PCDHGA5: variants seen among roughly 807,000 people sequenced by gnomAD.
PCDHGA5 encodes protocadherin gamma-A5.
Under a neutral mutation model 56.7 loss-of-function variants are expected in PCDHGA5, and 36 were observed. That is an observed-to-expected ratio of 0.64 (90% CI 0.49 to 0.84). The LOEUF (loss-of-function observed/expected upper bound fraction) is 0.84, where lower values mean the gene tolerates loss of function less well. Ranked by LOEUF, PCDHGA5 falls within the 40% of genes least tolerant of loss-of-function variation. PCDHGA5 has a pLI of 0.00. For missense variants in PCDHGA5, 1,305 were observed against 1,201.5 expected (o/e 1.09, Z -1.27); for synonymous variants, 563 against 520.2 (o/e 1.08, Z -1.12).
Position 141,409,527 on chromosome 5 carries a change from T to A in PCDHGA5, c.2421+42776T>A. 1 of 1,613,970 alleles carries A rather than the reference T, an allele frequency of 6.2e-7. No homozygotes were observed. Among genetic ancestry groups the A allele is most frequent in the South Asian group, 1.1e-5 (1 of 91,084 alleles). ...TCCAGTAGAAGCATCACCTTGTATGTCGCTGACATCAACGACAACGCCCCA... is the reference window on the plus strand; with the variant it reads ...TCCAGTAGAAGCATCACCTTGTATGACGCTGACATCAACGACAACGCCCCA... On this transcript the variant is annotated intron_variant, in intron 1 of 3. Coordinates refer to ENST00000518069, the MANE Select transcript of PCDHGA5 (RefSeq NM_018918.3).
Position 141,364,661 on chromosome 5 carries a change from G to A in PCDHGA5, c.331G>A (p.Glu111Lys), listed in dbSNP as rs369366226. The change falls in exon 1 of 4, where the codon GAG (glutamate) becomes AAG (lysine). Residue 111 changes from glutamate to lysine, a missense_variant. Glu to Lys is a moderately conservative substitution (Grantham distance 56). Coordinates refer to ENST00000518069, the MANE Select transcript of PCDHGA5 (RefSeq NM_018918.3). ...TGTGGTGAACTTTAACATCTTGGTT[G>A]AGAACAAAATGAAAATTTATGGAGT... is the stretch of plus-strand genomic sequence containing the variant. The part of the protein sequence containing the change: ...LCVVNFNILV[E>K]NKMKIYGVEV... The A allele has an allele frequency of 7.9e-5, 127 of 1,614,028 alleles. No individual in the cohort carries two copies. The highest frequency in any genetic ancestry group is 1.0e-4 in the Non-Finnish European group (121 of 1,179,902).
chr5:141,404,290 T>C (rs2094507318), intron 1 of PCDHGA5: 1 of 1,613,984 alleles, frequency 6.2e-7, no homozygotes, highest in South Asian at 1.1e-5. Context: ...CTGACATCAA[T>C]GATAATCCAC....
chr5:141,388,426 T>C, intron 1 of PCDHGA5: 1 of 1,613,864 alleles, frequency 6.2e-7, no homozygotes, highest in Non-Finnish European at 8.5e-7. Context: ...TTCTCACTGA[T>C]AAATAAAGAG....
At position 141,485,671 on chromosome 5, in the gene PCDHGA5, G is replaced by T; in HGVS notation, c.2422-9136G>T. On this transcript the variant is annotated intron_variant, in intron 1 of 3. Coordinates refer to ENST00000518069, the MANE Select transcript of PCDHGA5 (RefSeq NM_018918.3). This position sits in a 1 kb window ranked among gnomAD's most constrained non-coding sequence, Gnocchi z 5.7. The stretch of plus-strand genomic sequence containing the variant: ...AGGATGCAGATGTGGGGAGCAATTC[G>T]ATTAGCAGCTATAGGCTGAGCTCCA... 6.2e-7 allele frequency: 1 copy of T among 1,612,860 alleles called. No homozygotes were observed. The highest frequency in any genetic ancestry group is 8.5e-7 in the Non-Finnish European group (1 of 1,179,040).
At chr5:141,506,252 C>T (rs1158047426) in intron 3 of PCDHGA5, among the ~76,000 whole-genome samples, 1 of 151,968 alleles carries the variant, frequency 6.6e-6, no homozygotes, top group African/African-American at 2.4e-5. Flanking sequence ...AGTTCGAAAC[C>T]GGCCTGGCCA....
chr5:141,429,377 G>T (rs1029180912), intron 1 of PCDHGA5, among the ~76,000 whole-genome samples: 1 of 149,434 alleles, frequency 6.7e-6, no homozygotes, highest in African/African-American at 2.5e-5. Context: ...GAGAAAATGT[G>T]TTTTTTTTTT....
At chr5:141,495,240 C>T (rs2099759761) in intron 2 of PCDHGA5, among the ~76,000 whole-genome samples, 1 of 152,182 alleles carries the variant, frequency 6.6e-6, no homozygotes, top group South Asian at 2.1e-4. Context: ...TCCATTATGA[C>T]CTGGGGCTCA....
chr5:141,421,073 G>A (rs2096544393), intron 1 of PCDHGA5: 4 of 613,858 alleles, frequency 6.5e-6, no homozygotes, highest in Non-Finnish European at 1.1e-5. Flanking sequence ...GGAATGAGAT[G>A]GATACTCACA....
intron 1 of PCDHGA5, among the ~76,000 whole-genome samples, chr5:141,438,702 C>A (rs1217378337): frequency 5.7e-5 from 8 of 140,876 alleles, no homozygotes; most frequent in Non-Finnish European, 4.6e-5. Flanking sequence ...GCTCTGTCAC[C>A]CAGGCTGGAG....
chr5:141,442,716 G>A (rs1367250926), intron 1 of PCDHGA5, among the ~76,000 whole-genome samples: 1 of 152,206 alleles, frequency 6.6e-6, no homozygotes, highest in East Asian at 1.9e-4. Context: ...ACATGCCAGA[G>A]CATTTGGGGC....
chr5:141,436,781 A>C (rs1041532929), intron 1 of PCDHGA5, among the ~76,000 whole-genome samples: 1 of 152,236 alleles, frequency 6.6e-6, no homozygotes, highest in Admixed American at 6.5e-5. Flanking sequence ...TGTGGATGGA[A>C]ATAAAACTGT....
chr5:141,427,435 T>G, intron 1 of PCDHGA5: 1 of 474,160 alleles, frequency 2.1e-6, no homozygotes, highest in Non-Finnish European at 4.2e-6. Context: ...ACATGCCTCA[T>G]AAACGAAAGA....
chr5:141,366,134 G>T lies in PCDHGA5; in HGVS notation c.1804G>T (p.Ala602Ser). 6.2e-6 allele frequency: 10 copies of T among 1,614,204 alleles called. No homozygotes were observed. Among genetic ancestry groups the T allele is most frequent in the Non-Finnish European group, 8.5e-6 (10 of 1,180,046 alleles). ...VAVDKDSGQN[A>S]WLSYRLLKAS... is the part of the protein sequence containing the mutation. ...GGTGGACAAAGATTCAGGCCAGAAC[G>T]CCTGGCTGTCCTACCGCCTGCTTAA... is the stretch of plus-strand genomic sequence containing the variant. The change falls in exon 1 of 4, where the codon GCC becomes TCC. Residue 602 changes from alanine to serine, a missense_variant. Ala to Ser is a moderately conservative substitution (Grantham distance 99). Coordinates refer to ENST00000518069, the MANE Select transcript of PCDHGA5 (RefSeq NM_018918.3).
At chr5:141,448,808 G>C (rs2098608218) in intron 1 of PCDHGA5, among the ~76,000 whole-genome samples, 2 of 152,080 alleles carry the variant, frequency 1.3e-5, no homozygotes, top group Admixed American at 1.3e-4. Flanking sequence ...AGCCAGGCGT[G>C]ATGGCGGGCG....
At chr5:141,401,016 A>G (rs910501602) in intron 1 of PCDHGA5, among the ~76,000 whole-genome samples, 2 of 152,182 alleles carry the variant, frequency 1.3e-5, no homozygotes, top group Admixed American at 6.5e-5. Context: ...TAATGGATTT[A>G]TGATTTTTTG....
Position 141,365,860 on chromosome 5 carries a change from C to T in PCDHGA5, c.1530C>T (p.Asp510=), listed in dbSNP as rs1422476891. The T allele has an allele frequency of 6.2e-7, 1 of 1,614,082 alleles. No homozygotes were observed. The highest frequency in any genetic ancestry group is 1.3e-5 in the African/African-American group (1 of 75,068). The change falls in exon 1 of 4, where the codon GAC becomes GAT. Residue 510 remains aspartate (D), a synonymous_variant. Coordinates refer to ENST00000518069, the MANE Select transcript of PCDHGA5 (RefSeq NM_018918.3). ...CCTCCTATGTATCCATTAACTCTGACACCGGTGTCCTGTATGCTCTGAGAT... is the reference window on the plus strand; with the variant it reads ...CCTCCTATGTATCCATTAACTCTGATACCGGTGTCCTGTATGCTCTGAGAT... ...PLSSYVSINS[D]TGVLYALRSF...
chr5:141,374,644 T>C (rs767129187), intron 1 of PCDHGA5: 85 of 1,612,642 alleles, frequency 5.3e-5, no homozygotes, highest in Middle Eastern at 3.3e-4. Context: ...GCGAAGCCCA[T>C]GGGCCCAAGT....
intron 1 of PCDHGA5, among the ~76,000 whole-genome samples, chr5:141,494,199 G>A (rs1033914239): frequency 1.3e-5 from 2 of 152,160 alleles, no homozygotes; most frequent in South Asian, 2.1e-4. Context: ...TGGATGCCCC[G>A]CAAAGGCCCA....
intron 1 of PCDHGA5, chr5:141,409,051 C>T (rs767003760): frequency 3.7e-6 from 6 of 1,614,032 alleles, no homozygotes; most frequent in Non-Finnish European, 5.1e-6. Context: ...ACTTCCGAAG[C>T]ACTGCCCAGA....
Sources: allele counts gnomAD v4.1 joint callset (sites outside exome capture counted in the v4.1 genomes callset), GRCh38; gene constraint gnomAD v4.1.1; non-coding constraint Gnocchi (gnomAD v3.1); transcripts MANE v1.5; gene names NCBI Gene and HGNC (gene_info 2026-07-23, HGNC 2026-07-21).